Variants in NOL4 observed in about 807,000 individuals in gnomAD.
The protein encoded by NOL4 is nucleolar protein 4, also known as cancer/testis antigen 125.
NOL4 carries 17 observed loss-of-function variants against 75.9 expected under a neutral mutation model. The ratio of observed to expected loss-of-function variants is 0.22; its 90% CI spans 0.15 to 0.34. The LOEUF is 0.34. Among genes scored for constraint, NOL4 ranks in the 10% least tolerant of loss-of-function variants. The probability of loss-of-function intolerance (pLI) is 1.00; values close to 1 mark genes in which losing one functional copy is unlikely to be tolerated. For missense variants in NOL4, 614 were observed against 793.5 expected (o/e 0.77, Z 2.72); for synonymous variants, 292 against 289.9 (o/e 1.01, Z -0.07).
chr18:34,160,181 T>C (rs1000357521), intron 1 of NOL4, among the ~76,000 whole-genome samples: 11 of 152,168 alleles, frequency 7.2e-5, no homozygotes, highest in Non-Finnish European at 1.0e-4. Flanking sequence ...AACTCTATTG[T>C]TCAGCTGTAG....
chr18:33,955,882 A>G (rs1389682380), intron 8 of NOL4, among the ~76,000 whole-genome samples: 1 of 152,118 alleles, frequency 6.6e-6, no homozygotes, highest in Admixed American at 6.6e-5. Flanking sequence ...TTAAATTTAA[A>G]TATCTAGGCT....
At chr18:33,953,601 T>C (rs936399589) in intron 8 of NOL4, among the ~76,000 whole-genome samples, 2 of 152,120 alleles carry the variant, frequency 1.3e-5, no homozygotes, top group Non-Finnish European at 2.9e-5. Flanking sequence ...TTTTGAGCAA[T>C]GGTAAAAATG....
intron 6 of NOL4, among the ~76,000 whole-genome samples, chr18:33,988,716 T>C (rs539941993): frequency 1.8e-4 from 28 of 151,520 alleles, no homozygotes; most frequent in African/African-American, 6.3e-4. Context: ...TAGCCAGATA[T>C]GCATCCTCTG....
At chr18:33,901,052 T>C (rs1318660966) in intron 9 of NOL4, among the ~76,000 whole-genome samples, 1 of 152,200 alleles carries the variant, frequency 6.6e-6, no homozygotes. Flanking sequence ...CTTTGGTAAA[T>C]AAAAATGGTT....
At chr18:33,886,878 T>A (rs866065143) in intron 9 of NOL4, among the ~76,000 whole-genome samples, 6 of 141,938 alleles carry the variant, frequency 4.2e-5, no homozygotes, top group African/African-American at 1.6e-4. Context: ...TACATATATA[T>A]CTATATATCT....
chr18:34,083,873 G>T (rs1411591635), intron 5 of NOL4, among the ~76,000 whole-genome samples: 3 of 152,176 alleles, frequency 2.0e-5, no homozygotes, highest in African/African-American at 7.2e-5. Flanking sequence ...GGACGTTGTT[G>T]TTGTTTCTTT....
At chr18:34,027,645 A>T (rs1017768200) in intron 5 of NOL4, among the ~76,000 whole-genome samples, 4 of 152,192 alleles carry the variant, frequency 2.6e-5, no homozygotes, top group Non-Finnish European at 5.9e-5. Flanking sequence ...ATATTGTATT[A>T]TACACTAATT....
chr18:33,992,200 C>G, intron 6 of NOL4, among the ~76,000 whole-genome samples: 1 of 151,928 alleles, frequency 6.6e-6, no homozygotes, highest in East Asian at 1.9e-4. Flanking sequence ...CACATTCTAA[C>G]GTTTCAACCC....
chr18:33,960,642 A>T (rs1568130896), intron 6 of NOL4, among the ~76,000 whole-genome samples: 2 of 152,146 alleles, frequency 1.3e-5, no homozygotes, highest in African/African-American at 4.8e-5. Flanking sequence ...TGCATCAGGC[A>T]CTATTCTAAG....
At chr18:34,098,837 A>G (rs1251468652) in intron 4 of NOL4, among the ~76,000 whole-genome samples, 1 of 152,160 alleles carries the variant, frequency 6.6e-6, no homozygotes, top group African/African-American at 2.4e-5. Context: ...TCATTAGGGC[A>G]AGTTTTATCA....
chr18:33,970,829 T>A (rs1426512347), intron 6 of NOL4, among the ~76,000 whole-genome samples: 1 of 152,114 alleles, frequency 6.6e-6, no homozygotes, highest in Non-Finnish European at 1.5e-5. Context: ...GACAATTATA[T>A]GTTTGATACA....
At chr18:34,141,991 AC>A (rs2081189149) in intron 1 of NOL4, among the ~76,000 whole-genome samples, 1 of 152,304 alleles carries the variant, frequency 6.6e-6, no homozygotes, top group South Asian at 2.1e-4. Context: ...TACAAAAAAA[AC>A]AAACAACCCC....
At chr18:34,079,209 A>G (rs1051590213) in intron 5 of NOL4, among the ~76,000 whole-genome samples, 5 of 152,252 alleles carry the variant, frequency 3.3e-5, no homozygotes, top group African/African-American at 1.2e-4. Context: ...CAGAAAAAGG[A>G]GGCAAGTGTA....
At chr18:33,947,857 A>C (rs1293906339) in intron 8 of NOL4, among the ~76,000 whole-genome samples, 1 of 151,842 alleles carries the variant, frequency 6.6e-6, no homozygotes, top group African/African-American at 2.4e-5. Context: ...CATCACATGG[A>C]GCTTTTGGAG....
At chr18:34,140,501 C>A (rs1337753545) in intron 1 of NOL4, among the ~76,000 whole-genome samples, 3 of 152,046 alleles carry the variant, frequency 2.0e-5, no homozygotes, top group Non-Finnish European at 4.4e-5. Flanking sequence ...AGGATTGCAA[C>A]CCCTGCCTTT....
intron 5 of NOL4, among the ~76,000 whole-genome samples, chr18:34,055,861 A>AT (rs536080924): frequency 6.6e-6 from 1 of 151,264 alleles, no homozygotes; most frequent in African/African-American, 2.4e-5. Flanking sequence ...AAGTTCACTG[A>AT]TTTTTTCATC....
intron 9 of NOL4, among the ~76,000 whole-genome samples, chr18:33,908,036 C>T (rs2145094659): frequency 6.6e-6 from 1 of 151,960 alleles, no homozygotes; most frequent in Admixed American, 6.6e-5. Flanking sequence ...ACAGGACCTA[C>T]AATTTATGTT....
chr18:34,082,590 A>C (rs764548016), intron 5 of NOL4, among the ~76,000 whole-genome samples: 2 of 152,164 alleles, frequency 1.3e-5, no homozygotes, highest in East Asian at 1.9e-4. Flanking sequence ...AATCATGCAC[A>C]CAATATTTTA....
chr18:34,151,503 C>T (rs2081635900), intron 1 of NOL4, among the ~76,000 whole-genome samples: 1 of 151,460 alleles, frequency 6.6e-6, no homozygotes, highest in Non-Finnish European at 1.5e-5. Context: ...TGGAAGAAGG[C>T]AAAACTAAGG....
Sources: gnomAD v4.1 joint callset for allele counts (sites outside exome capture counted in the v4.1 genomes callset) on GRCh38, gnomAD v4.1.1 for gene constraint, MANE v1.5 for transcripts, NCBI Gene and HGNC (gene_info 2026-07-23, HGNC 2026-07-21) for gene names.